The following DDB1 variants were observed in gnomAD, a reference collection of about 807,000 sequenced individuals.
DDB1 encodes DNA damage-binding protein 1.
DDB1 carries 18 observed loss-of-function variants against 133.1 expected under a neutral mutation model. That is an observed-to-expected ratio of 0.14 (90% CI 0.09 to 0.20). DDB1 has a LOEUF of 0.20. Among genes scored for constraint, DDB1 ranks in the 10% least tolerant of loss-of-function variants. The pLI is 1.00. For synonymous variants in DDB1, 580 were observed against 550.5 expected (o/e 1.05, Z -0.75); for missense variants, 828 against 1,459.2 (o/e 0.57, Z 7.05).
Position 61,316,551 on chromosome 11 carries a change from C to A in DDB1, c.1242G>T (p.Arg414=). The part of the protein sequence containing the change: ...LPGIKGLWPL[R]SDPNRETDDT... The stretch of plus-strand genomic sequence containing the variant: ...CATCAGTCTCACGATTAGGGTCAGA[C>A]CGCAGTGGCCATAATCCTGGAACAA... Residue 414 remains arginine, a synonymous_variant, in exon 11 of 27, where the codon CGG becomes CGT. Coordinates refer to ENST00000301764, the MANE Select transcript of DDB1 (RefSeq NM_001923.5). The A allele has an allele frequency of 6.2e-7, 1 of 1,614,130 alleles. No individual in the cohort carries two copies.
intron 6 of DDB1, 25 bp downstream of exon 6, chr11:61,325,586 G>GA (rs751859349): frequency 1.3e-6 from 2 of 1,595,004 alleles, no homozygotes; most frequent in East Asian, 2.2e-5. Flanking sequence ...AAGATGAAAG[G>GA]AAAAAAAGGT....
In DDB1 at chr11:61,314,467, C is replaced by T. The variant is rs749306073; in HGVS notation, c.1430G>A (p.Arg477Lys). The T allele has an allele frequency of 5.0e-6, 8 of 1,612,696 alleles. No individual in the cohort carries two copies. In the South Asian group the frequency reaches 7.7e-5, roughly 16 times the overall value. ...AGCTTTGGGTTCTTGAGAGACCAAC[C>T]TCACCGATGCTGAAGTGATCTAGAT... ...QLIQITSASVRLVSQEPKALV... is the reference protein window; with the variant it reads ...QLIQITSASVKLVSQEPKALV... The change falls in exon 13 of 27, where the codon AGG (arginine) becomes AAG (lysine). Residue 477 changes from arginine to lysine, a missense_variant. By Grantham distance (26) the Arg-to-Lys change is conservative. Transcript: ENST00000301764.
intron 4 of DDB1, chr11:61,327,670 T>G (rs1222871183): frequency 6.6e-6 from 1 of 152,232 alleles, no homozygotes; most frequent in South Asian, 2.1e-4. Flanking sequence ...ATTGTCAACA[T>G]CATCTTCCCC....
At chr11:61,314,648 A>AT in intron 12 of DDB1, 162 bp from the exon 13 acceptor site, 1 of 693,812 alleles carries the variant, frequency 1.4e-6, no homozygotes, top group Non-Finnish European at 2.2e-6. Flanking sequence ...AATAGATGTC[A>AT]TTTTTGCATG....
chr11:61,331,570 A>C lies in DDB1; in HGVS notation c.183T>G (p.Ile61Met). The change falls in exon 2 of 27, where the codon ATT becomes ATG. Residue 61 changes from isoleucine (I) to methionine (M), a missense_variant. By Grantham distance (10) the Ile-to-Met change is conservative. Coordinates refer to ENST00000301764, the MANE Select transcript of DDB1 (RefSeq NM_001923.5). ...TGGGCCTGAAAAGCTCCATGACCGC[A>C]ATCTTCCCATACATGCCCACCTCTT... ...PVKEVGMYGK[I>M]AVMELFRPKG... is the part of the protein sequence containing the mutation. 6.2e-7 allele frequency: 1 copy of C among 1,614,110 alleles called. No homozygotes were observed. Among genetic ancestry groups the C allele is most frequent in the Non-Finnish European group, 8.5e-7 (1 of 1,180,012 alleles).
At chr11:61,323,538 G>A (rs1056418403) in intron 7 of DDB1, 5 of 235,674 alleles carry the variant, frequency 2.1e-5, no homozygotes, top group African/African-American at 9.1e-5. Flanking sequence ...TCAGCCTCCC[G>A]AGTAGCTGGG....
At chr11:61,328,333 G>GT (rs1856303363) in intron 4 of DDB1, among the ~76,000 whole-genome samples, 1 of 152,168 alleles carries the variant, frequency 6.6e-6, no homozygotes, top group Admixed American at 6.5e-5. Context: ...CTATCAAACT[G>GT]TTTATGTGCC....
chr11:61,317,218 A>C (rs1856103826), intron 10 of DDB1, among the ~76,000 whole-genome samples: 1 of 151,582 alleles, frequency 6.6e-6, no homozygotes, highest in African/African-American at 2.4e-5. Flanking sequence ...GGTTCACACC[A>C]TTCTCCTGCC....
chr11:61,314,206 T>C lies in DDB1; in HGVS notation c.1594A>G (p.Thr532Ala), dbSNP rs1856026599. Residue 532 changes from threonine (T) to alanine (A), a missense_variant, in exon 14 of 27, where the codon ACA (threonine) becomes GCA (alanine). Physicochemically the swap from Thr to Ala is moderately conservative, Grantham distance 58 (BLOSUM62 0). Coordinates refer to ENST00000301764, the MANE Select transcript of DDB1 (RefSeq NM_001923.5). ...HPQELRQISH[T>A]EMEHEVACLD... ...CAAGCCACTTCATGTTCCATCTCTGTGTGGCTGAACAAAGAAGAATATGGC... is the reference window on the plus strand; with the variant it reads ...CAAGCCACTTCATGTTCCATCTCTGCGTGGCTGAACAAAGAAGAATATGGC... 3 of 1,601,784 alleles carry C rather than the reference T, an allele frequency of 1.9e-6. No homozygotes were observed. The highest frequency in any genetic ancestry group is 1.7e-6 in the Non-Finnish European group (2 of 1,173,570).
At chr11:61,327,079 G>A (rs530086466) in intron 4 of DDB1, among the ~76,000 whole-genome samples, 186 bp from the exon 5 acceptor site, 4 of 152,278 alleles carry the variant, frequency 2.6e-5, no homozygotes, top group African/African-American at 9.6e-5. Context: ...TAGGTAGACT[G>A]CAGCATCTGA....
chr11:61,314,555 G>A, intron 12 of DDB1, 69 bp from the exon 13 acceptor site: 1 of 1,483,306 alleles, frequency 6.7e-7, no homozygotes. Flanking sequence ...TGGAAAGGTG[G>A]TAAATGCAGC....
chr11:61,305,681 C>T (rs547700657), intron 21 of DDB1, among the ~76,000 whole-genome samples: 2 of 152,086 alleles, frequency 1.3e-5, no homozygotes, highest in South Asian at 4.1e-4. Flanking sequence ...CACCTGCCAC[C>T]ACTCTCTCTC....
intron 10 of DDB1, 152 bp downstream of exon 10, chr11:61,321,443 C>G: frequency 2.7e-6 from 1 of 365,484 alleles, no homozygotes; most frequent in Non-Finnish European, 5.0e-6. Flanking sequence ...TTTATACTTT[C>G]AGATATGTTT....
chr11:61,322,257 G>T, intron 9 of DDB1, 39 bp downstream of exon 9: 1 of 1,477,416 alleles, frequency 6.8e-7, no homozygotes, highest in Non-Finnish European at 9.5e-7. Flanking sequence ...CAGTTTGAGT[G>T]GGCATATACC....
At chr11:61,323,132 G>A in intron 7 of DDB1, 38 bp from the exon 8 acceptor site, 31 of 1,550,664 alleles carry the variant, frequency 2.0e-5, no homozygotes, top group Non-Finnish European at 2.8e-5. Flanking sequence ...AATGAGAATG[G>A]ACCCTACGTG....
At chr11:61,319,480 G>T (rs1420927214) in intron 10 of DDB1, among the ~76,000 whole-genome samples, 3 of 150,990 alleles carry the variant, frequency 2.0e-5, no homozygotes, top group East Asian at 3.9e-4. Context: ...ACGCCAGGCT[G>T]GAGTGCAGTG....
intron 20 of DDB1, among the ~76,000 whole-genome samples, chr11:61,309,298 C>T (rs970174564): frequency 3.9e-5 from 6 of 152,144 alleles, no homozygotes; most frequent in African/African-American, 1.4e-4. Context: ...TCTGCCCCCT[C>T]GCCCTGAAAC....
At chr11:61,316,945 AG>A (rs1357407246) in intron 10 of DDB1, among the ~76,000 whole-genome samples, 3 of 35,032 alleles carry the variant, frequency 8.6e-5, no homozygotes, top group South Asian at 1.1e-3. Context: ...AAAAAAGGAT[AG>A]ATATATATAT....
chr11:61,333,017 A>C lies in DDB1; in HGVS notation c.-49T>G. The C allele has an allele frequency of 3.5e-6, 5 of 1,441,808 alleles. No individual in the cohort carries two copies. Among genetic ancestry groups the C allele is most frequent in the Non-Finnish European group, 4.6e-6 (5 of 1,083,598 alleles). 89.3% of individuals were successfully genotyped at this position (1,441,808 alleles called of 1,614,324 possible). On this transcript the variant is annotated 5_prime_UTR_variant, in exon 1 of 27. Coordinates refer to ENST00000301764, the MANE Select transcript of DDB1 (RefSeq NM_001923.5). ...GGGACTCGAGCGCGACACTAGAAAG[A>C]GGGACACAAGCGAAAAGACAGGTGG... is the stretch of plus-strand genomic sequence containing the variant.
Sources: allele counts gnomAD v4.1 joint callset (sites outside exome capture counted in the v4.1 genomes callset), GRCh38; gene constraint gnomAD v4.1.1; transcripts MANE v1.5; gene names NCBI Gene and HGNC (gene_info 2026-07-23, HGNC 2026-07-21).